Variants in STK3 observed in about 807,000 individuals in gnomAD.
The protein encoded by STK3 is serine/threonine-protein kinase 3.
A neutral mutation model predicts 58.0 loss-of-function variants in STK3; 41 were observed. The observed-to-expected ratio is 0.71, with a 90% CI of 0.55 to 0.92. The LOEUF (loss-of-function observed/expected upper bound fraction) is 0.92, where lower values mean the gene tolerates loss of function less well. Among genes scored for constraint, STK3 ranks in the 40% least tolerant of loss-of-function variants. The pLI is 0.00. For synonymous variants in STK3, 170 were observed against 191.0 expected, an observed-to-expected ratio of 0.89 and a Z score of 0.91; for missense variants, 479 against 602.7, an observed-to-expected ratio of 0.79 and a Z score of 2.15.
intron 6 of STK3, among the ~76,000 whole-genome samples, chr8:98,670,679 T>C (rs1265210746): frequency 3.9e-5 from 6 of 152,162 alleles, no homozygotes; most frequent in Admixed American, 2.0e-4. Flanking sequence ...CAATCAAATG[T>C]TGCCTTTTCC....
chr8:98,484,035 T>C (rs1021182728), intron 10 of STK3, among the ~76,000 whole-genome samples: 1 of 127,922 alleles, frequency 7.8e-6, no homozygotes, highest in South Asian at 2.3e-4. Flanking sequence ...GCCTTGAACA[T>C]AGACTGAATG....
At chr8:98,521,320 T>G (rs1478883016) in intron 10 of STK3, among the ~76,000 whole-genome samples, 1 of 152,184 alleles carries the variant, frequency 6.6e-6, no homozygotes, top group Non-Finnish European at 1.5e-5. Context: ...ATTATTTTTT[T>G]TTGGTACTGT....
chr8:98,825,116 C>A (rs1272043725), intron 1 of STK3, among the ~76,000 whole-genome samples: 1 of 152,212 alleles, frequency 6.6e-6, no homozygotes, highest in Non-Finnish European at 1.5e-5. Flanking sequence ...TTAAACTTCC[C>A]ACTGTCTTGC....
chr8:98,447,633 C>T, intron 1 of STK3, among the ~76,000 whole-genome samples: 1 of 118,660 alleles, frequency 8.4e-6, no homozygotes, highest in Admixed American at 9.0e-5. Context: ...CTATATATTG[C>T]AATACTATAT....
At chr8:98,849,721 C>T (rs148047664) in intron 3 of STK3, among the ~76,000 whole-genome samples, 1 of 152,088 alleles carries the variant, frequency 6.6e-6, no homozygotes, top group African/African-American at 2.4e-5. Flanking sequence ...ATTTCAGATA[C>T]CAAAAGAGAT....
At chr8:98,822,624 G>T (rs1434728303) in intron 1 of STK3, among the ~76,000 whole-genome samples, 1 of 152,172 alleles carries the variant, frequency 6.6e-6, no homozygotes, top group Non-Finnish European at 1.5e-5. Flanking sequence ...AGGCTTTGAT[G>T]GAAGAATAAA....
intron 6 of STK3, among the ~76,000 whole-genome samples, chr8:98,693,572 C>A (rs1824582776): frequency 6.6e-6 from 1 of 151,992 alleles, no homozygotes; most frequent in South Asian, 2.1e-4. Flanking sequence ...GGAGTACAGT[C>A]CTGCCAACAC....
chr8:98,903,267 A>G (rs1337526380), intron 1 of STK3, among the ~76,000 whole-genome samples: 3 of 152,222 alleles, frequency 2.0e-5, no homozygotes, highest in African/African-American at 4.8e-5. Context: ...AACTTTGACT[A>G]TTATACAGTC....
intron 4 of STK3, among the ~76,000 whole-genome samples, chr8:98,740,137 C>A (rs927776798): frequency 1.0e-3 from 152 of 152,232 alleles, no homozygotes; most frequent in Non-Finnish European, 2.5e-4. Context: ...CTGAAAGTGA[C>A]GGGGAGAATG....
chr8:98,488,488 G>A (rs1211414562), intron 10 of STK3, among the ~76,000 whole-genome samples: 2 of 152,096 alleles, frequency 1.3e-5, no homozygotes, highest in Non-Finnish European at 2.9e-5. Flanking sequence ...GAAATGAAAG[G>A]AAGAAGAGAA....
At chr8:98,852,268 G>A (rs1836500343) in intron 3 of STK3, among the ~76,000 whole-genome samples, 2 of 152,042 alleles carry the variant, frequency 1.3e-5, no homozygotes, top group Admixed American at 1.3e-4. Flanking sequence ...CCGAGCAGCT[G>A]GGATTACAGG....
At chr8:98,811,912 C>T (rs1834250858) in intron 1 of STK3, among the ~76,000 whole-genome samples, 1 of 152,190 alleles carries the variant, frequency 6.6e-6, no homozygotes, top group Non-Finnish European at 1.5e-5. Context: ...CAAGTTCAAG[C>T]AATTCTCCTG....
chr8:98,397,066 C>T (rs1326506834), downstream of STK3, among the ~76,000 whole-genome samples: 1 of 152,204 alleles, frequency 6.6e-6, no homozygotes, highest in Non-Finnish European at 1.5e-5. Flanking sequence ...GCTCCAGAGT[C>T]CACACTTTTA....
At chr8:98,350,464 T>A in the STK3 span, among the ~76,000 whole-genome samples, 15 of 152,226 alleles carry the variant, frequency 9.9e-5, no homozygotes, top group Non-Finnish European at 1.8e-4. Flanking sequence ...GTTACCCACT[T>A]CTAAAGTTGT....
At chr8:98,646,924 G>A (rs1356602655) in intron 6 of STK3, among the ~76,000 whole-genome samples, 1 of 151,528 alleles carries the variant, frequency 6.6e-6, no homozygotes, top group African/African-American at 2.4e-5. Flanking sequence ...TGCCCACCCC[G>A]CCCCCACAAT....
chr8:98,607,635 A>C (rs1263121653), intron 6 of STK3, among the ~76,000 whole-genome samples: 11 of 152,238 alleles, frequency 7.2e-5, no homozygotes, highest in Admixed American at 7.2e-4. Context: ...GGTTGTCTCA[A>C]GGAAAATTAT....
intron 3 of STK3, among the ~76,000 whole-genome samples, chr8:98,869,384 G>A (rs1292107877): frequency 6.6e-6 from 1 of 152,106 alleles, no homozygotes; most frequent in Non-Finnish European, 1.5e-5. Flanking sequence ...TTGTGCCACT[G>A]CACTCCATCC....
chr8:98,474,873 G>A (rs112651865), intron 10 of STK3, among the ~76,000 whole-genome samples: 5 of 152,100 alleles, frequency 3.3e-5, no homozygotes, highest in Admixed American at 6.5e-5. Context: ...TATGAGATAC[G>A]TGAATATAGG....
rs184666111 is a variant in STK3, at chr8:98,487,356, G to C, written c.1318-31356C>G. ...CAAACATTTACTGAGCACATACAATGTGCATGCACTTACCTAAATGCAATG... is the reference window on the plus strand; with the variant it reads ...CAAACATTTACTGAGCACATACAATCTGCATGCACTTACCTAAATGCAATG... On this transcript the variant is annotated intron_variant, in intron 10 of 10. Transcript: ENST00000419617. Among the ~76,000 whole-genome samples the C allele has an allele frequency of 2.2e-4, 34 of 152,300 alleles. 1 individual carries two copies. The highest frequency in any genetic ancestry group is 2.1e-3 in the Admixed American group (32 of 15,290).
Sources: allele counts gnomAD v4.1 joint callset (sites outside exome capture counted in the v4.1 genomes callset), GRCh38; gene constraint gnomAD v4.1.1; transcripts MANE v1.5; gene names NCBI Gene and HGNC (gene_info 2026-07-23, HGNC 2026-07-21).